Variants in ADCY2 observed in about 807,000 individuals in gnomAD.
ADCY2 encodes adenylate cyclase type 2.
Under a neutral mutation model 125.2 loss-of-function variants are expected in ADCY2, and 31 were observed. The ratio of observed to expected loss-of-function variants is 0.25; its 90% CI spans 0.19 to 0.33. The LOEUF is 0.33. ADCY2 is among the 10% of genes least tolerant of loss of function. ADCY2 has a pLI of 1.00. For synonymous variants in ADCY2, 512 were observed against 548.4 expected (o/e 0.93, Z 0.93); for missense variants, 904 against 1,418.2 (o/e 0.64, Z 5.82).
intron 2 of ADCY2, among the ~76,000 whole-genome samples, chr5:7,509,475 T>C (rs1427150199): frequency 6.6e-6 from 1 of 152,208 alleles, no homozygotes; most frequent in South Asian, 2.1e-4. Context: ...ATCCTACTAT[T>C]CTTTTTCTCA....
chr5:7,708,760 G>A (rs1405823046), intron 9 of ADCY2, among the ~76,000 whole-genome samples: 1 of 152,074 alleles, frequency 6.6e-6, no homozygotes, highest in Admixed American at 6.6e-5. Flanking sequence ...CAAGCAGCAG[G>A]GACTGGGAGA....
chr5:7,826,148 C>T (rs769583211), intron 24 of ADCY2, among the ~76,000 whole-genome samples: 84 of 152,270 alleles, frequency 5.5e-4, no homozygotes, highest in Non-Finnish European at 7.6e-4. Context: ...GGTTACTTCA[C>T]TCAAAGGCAT....
chr5:7,799,707 T>C (rs1196386139), intron 20 of ADCY2: 1 of 152,274 alleles, frequency 6.6e-6, no homozygotes, highest in Non-Finnish European at 1.5e-5. Flanking sequence ...TAATCAAGGC[T>C]GAACAGCAGA....
At chr5:7,826,677 G>A (rs1384535844) in intron 24 of ADCY2, 42 bp from the exon 25 acceptor site, 4 of 1,613,682 alleles carry the variant, frequency 2.5e-6, no homozygotes, top group Non-Finnish European at 3.4e-6. Context: ...TTGTATCAAT[G>A]TATGTACTAA....
intron 2 of ADCY2, among the ~76,000 whole-genome samples, chr5:7,454,933 C>T (rs1212784629): frequency 6.6e-6 from 1 of 152,138 alleles, no homozygotes; most frequent in African/African-American, 2.4e-5. Flanking sequence ...AAATCCCCCT[C>T]ATGCATAGAG....
At chr5:7,665,159 C>T (rs1314832635) in intron 4 of ADCY2, among the ~76,000 whole-genome samples, 1 of 152,162 alleles carries the variant, frequency 6.6e-6, no homozygotes, top group East Asian at 1.9e-4. Context: ...GCCATGGTCA[C>T]TCATATTTGG....
At chr5:7,718,183 C>G (rs926672659) in intron 12 of ADCY2, among the ~76,000 whole-genome samples, 1 of 135,934 alleles carries the variant, frequency 7.4e-6, no homozygotes, top group East Asian at 2.1e-4. Context: ...GAGTCTCGCT[C>G]TGTTGCCCAG....
At chr5:7,527,356 C>T (rs924343212) in intron 3 of ADCY2, among the ~76,000 whole-genome samples, 2 of 152,210 alleles carry the variant, frequency 1.3e-5, no homozygotes, top group African/African-American at 2.4e-5. Context: ...AGGTTAGTAT[C>T]ACTGTTGGCA....
chr5:7,690,744 G>A lies in ADCY2; in HGVS notation c.774G>A (p.Ala258=), dbSNP rs374289975. 2.3e-4 allele frequency: 369 copies of A among 1,610,350 alleles called. No individual in the cohort carries two copies. The highest frequency in any genetic ancestry group is 2.9e-4 in the Non-Finnish European group (338 of 1,178,632). Residue 258 remains alanine, a synonymous_variant, in exon 5 of 25, where the codon GCG becomes GCA. Coordinates refer to ENST00000338316, the MANE Select transcript of ADCY2 (RefSeq NM_020546.3). Reference sequence around the variant, plus strand: ...CCCACATCGCCATGGAGATGAAAGCGGAGATCATCCAGAGGCTGCAGGGCC... The same window carrying A: ...CCCACATCGCCATGGAGATGAAAGCAGAGATCATCCAGAGGCTGCAGGGCC... ...LPAHIAMEMK[A]EIIQRLQGPK... is the part of the protein sequence containing the mutation.
chr5:7,707,911 A>T, intron 9 of ADCY2, 73 bp downstream of exon 9: 1 of 1,514,076 alleles, frequency 6.6e-7, no homozygotes, highest in Admixed American at 1.8e-5. Flanking sequence ...AAGTGTTTTT[A>T]GTCAATATCC....
chr5:7,734,941 A>G (rs571438585), intron 14 of ADCY2, among the ~76,000 whole-genome samples: 5 of 152,310 alleles, frequency 3.3e-5, no homozygotes, highest in African/African-American at 1.2e-4. Flanking sequence ...CATGGCAGAA[A>G]GAAATAGTTC....
intron 4 of ADCY2, among the ~76,000 whole-genome samples, chr5:7,680,396 G>A (rs1182740185): frequency 6.6e-6 from 1 of 152,230 alleles, no homozygotes; most frequent in Non-Finnish European, 1.5e-5. Flanking sequence ...AGTATAGGCA[G>A]ATGTGGTAAA....
At chr5:7,622,762 A>G (rs1448279998) in intron 3 of ADCY2, among the ~76,000 whole-genome samples, 2 of 152,164 alleles carry the variant, frequency 1.3e-5, no homozygotes, top group African/African-American at 4.8e-5. Context: ...GAAACCTCTC[A>G]ATGGACAAGA....
chr5:7,409,155 C>T (rs1579413292), intron 1 of ADCY2, among the ~76,000 whole-genome samples: 2 of 152,156 alleles, frequency 1.3e-5, no homozygotes, highest in South Asian at 2.1e-4. Flanking sequence ...CGCATACTCT[C>T]ACTTGTAAGT....
chr5:7,468,771 T>C (rs1317852741), intron 2 of ADCY2, among the ~76,000 whole-genome samples: 1 of 152,276 alleles, frequency 6.6e-6, no homozygotes, highest in South Asian at 2.1e-4. Flanking sequence ...TCTATTACTT[T>C]GTGACTTCAG....
chr5:7,475,307 T>G (rs1202180414), intron 2 of ADCY2, among the ~76,000 whole-genome samples: 4 of 151,934 alleles, frequency 2.6e-5, no homozygotes, highest in Non-Finnish European at 5.9e-5. Flanking sequence ...GTATCCGTGG[T>G]CTGGAGAATG....
At chr5:7,784,097 A>T (rs1180802591) in intron 18 of ADCY2, among the ~76,000 whole-genome samples, 1 of 152,208 alleles carries the variant, frequency 6.6e-6, no homozygotes, top group African/African-American at 2.4e-5. Flanking sequence ...AGAAAATGTT[A>T]ATATTCTTGT....
chr5:7,444,775 T>C (rs1741172346), intron 2 of ADCY2, among the ~76,000 whole-genome samples: 1 of 152,304 alleles, frequency 6.6e-6, no homozygotes, highest in South Asian at 2.1e-4. Flanking sequence ...GGGTTGCAGC[T>C]TGCCAATCAG....
chr5:7,580,266 C>A (rs1343939778), intron 3 of ADCY2, among the ~76,000 whole-genome samples: 1 of 151,984 alleles, frequency 6.6e-6, no homozygotes, highest in Non-Finnish European at 1.5e-5. Flanking sequence ...ATAAAGTTAA[C>A]ATTACTTTTT....
Sources: gnomAD v4.1 joint callset for allele counts (sites outside exome capture counted in the v4.1 genomes callset) on GRCh38, gnomAD v4.1.1 for gene constraint, MANE v1.5 for transcripts, NCBI Gene and HGNC (gene_info 2026-07-23, HGNC 2026-07-21) for gene names.